The following CUX1 variants were observed in gnomAD, a reference collection of about 807,000 sequenced individuals.
CUX1 encodes the protein cut like homeobox 1, also known as protein CASP.
A neutral mutation model predicts 158.8 loss-of-function variants in CUX1; 31 were observed. The ratio of observed to expected loss-of-function variants is 0.20; its 90% CI spans 0.15 to 0.26. The LOEUF is 0.26. Among genes scored for constraint, CUX1 ranks in the 10% least tolerant of loss-of-function variants. The pLI is 1.00. For synonymous variants in CUX1, 879 were observed against 862.1 expected, an observed-to-expected ratio of 1.02 and a Z score of -0.34; for missense variants, 1,589 against 2,014.6, an observed-to-expected ratio of 0.79 and a Z score of 4.04.
chr7:101,920,412 G>A (rs1183847417), intron 2 of CUX1, among the ~76,000 whole-genome samples: 6 of 151,962 alleles, frequency 3.9e-5, no homozygotes, highest in African/African-American at 7.3e-5. Flanking sequence ...GTAAGCCACC[G>A]CGCCTGGCCG....
chr7:101,862,331 G>C (rs1158339302), intron 1 of CUX1, among the ~76,000 whole-genome samples: 1 of 152,090 alleles, frequency 6.6e-6, no homozygotes, highest in African/African-American at 2.4e-5. Context: ...TTCCAGTCTG[G>C]TGGGTCCCTA....
At chr7:102,098,422 G>A (rs1829421860) in intron 5 of CUX1, among the ~76,000 whole-genome samples, 1 of 152,080 alleles carries the variant, frequency 6.6e-6, no homozygotes, top group Non-Finnish European at 1.5e-5. Context: ...GACCAGCCTC[G>A]GAAACGTAGC....
intron 7 of CUX1, 72 bp from the exon 8 acceptor site, chr7:102,115,135 T>C (rs1258141873): frequency 1.9e-5 from 25 of 1,309,714 alleles, no homozygotes; most frequent in African/African-American, 9.0e-5. Context: ...TCTTTTGAAA[T>C]GGGAATAGAT....
At chr7:102,213,163 A>T (rs557058819) in intron 20 of CUX1, among the ~76,000 whole-genome samples, 33 of 152,352 alleles carry the variant, frequency 2.2e-4, no homozygotes, top group African/African-American at 6.5e-4. Context: ...CTTTTAAAAC[A>T]GAATCTAGTC....
At chr7:101,975,187 G>C (rs539156484) in intron 2 of CUX1, among the ~76,000 whole-genome samples, 1 of 152,156 alleles carries the variant, frequency 6.6e-6, no homozygotes, top group South Asian at 2.1e-4. Flanking sequence ...AGAGATGGAG[G>C]TTGCAGTGAG....
rs189955569 is a variant in CUX1, at chr7:102,040,597, T to G, written c.189+12452T>G. On this transcript the variant is annotated intron_variant, in intron 3 of 23. Coordinates refer to ENST00000292535, the MANE Select transcript of CUX1 (RefSeq NM_181552.4). ...TAATCAAATAATTGGGGAAATAAAG[T>G]TGGGTGAACTACAGCAGTCTATGAA... Among the ~76,000 whole-genome samples the G allele has an allele frequency of 2.6e-5, 4 of 152,278 alleles. No homozygotes were observed. In the East Asian group the frequency reaches 7.7e-4, roughly 29 times the overall value.
At chr7:101,862,359 T>C (rs974065478) in intron 1 of CUX1, among the ~76,000 whole-genome samples, 5 of 151,998 alleles carry the variant, frequency 3.3e-5, no homozygotes, top group African/African-American at 1.2e-4. Flanking sequence ...ATACATTGTG[T>C]GTTGTCGTAG....
At chr7:102,168,189 A>G (rs782581704) in intron 9 of CUX1, among the ~76,000 whole-genome samples, 7 of 152,108 alleles carry the variant, frequency 4.6e-5, no homozygotes, top group Non-Finnish European at 1.0e-4. Context: ...GGCTGGTTCT[A>G]GATTCAGTGT....
rs60275604 is a variant in CUX1, at chr7:102,282,064, G to A, written c.1902+144G>A. The A allele has an allele frequency of 1.2e-3, 824 of 678,702 alleles. 4 individuals are homozygous for A. The African/African-American group carries it at 0.012, about 10-fold the overall frequency. The allele number at this position is 678,702 out of a possible 1,614,324, so 42.0% of individuals were successfully genotyped here. ...GCTTGCGGCCATGCCTCTCCCCTTC[G>A]AGAGCCTTGGCCCACCCCAGGGACG... On this transcript the variant is annotated intron_variant, in intron 21 of 22. Transcript: ENST00000292538.
chr7:102,034,174 C>CTTA (rs1055870189), intron 3 of CUX1, among the ~76,000 whole-genome samples: 3 of 90,666 alleles, frequency 3.3e-5, no homozygotes, highest in Non-Finnish European at 4.8e-5. Flanking sequence ...AAAAGTCAGT[C>CTTA]TTATTATTGA....
At chr7:102,194,052 T>A in intron 13 of CUX1, 162 bp downstream of exon 13, 1 of 317,948 alleles carries the variant, frequency 3.1e-6, no homozygotes, top group Non-Finnish European at 5.7e-6. Context: ...GCAAATTATC[T>A]TTTTTTTTTT....
intron 1 of CUX1, among the ~76,000 whole-genome samples, chr7:101,856,109 G>T (rs1211754219): frequency 1.3e-5 from 2 of 148,968 alleles, no homozygotes; most frequent in African/African-American, 5.0e-5. Flanking sequence ...GAGTCCAGCA[G>T]GAGGTCAAGG....
chr7:101,995,047 G>A lies in CUX1; in HGVS notation c.142-33051G>A, dbSNP rs191072165. ...GGGAAGTGAAGGTGCTGTGAGCTGC[G>A]ATCCTGCCATTGCATCCAGCCTGGG... On this transcript the variant is annotated intron_variant, in intron 2 of 23. Transcript: ENST00000292535. Among the ~76,000 whole-genome samples, 613 of 152,150 alleles carry A rather than the reference G, an allele frequency of 4.0e-3. 5 individuals carry two copies. The highest frequency in any genetic ancestry group is 6.3e-3 in the Non-Finnish European group (429 of 68,006).
intron 8 of CUX1, among the ~76,000 whole-genome samples, chr7:102,155,094 G>A (rs1333638207): frequency 3.9e-5 from 6 of 152,180 alleles, no homozygotes; most frequent in African/African-American, 7.2e-5. Flanking sequence ...GCATCTCTAT[G>A]TGCCCATTCC....
chr7:102,072,416 A>G (rs1826229295), intron 4 of CUX1, among the ~76,000 whole-genome samples: 1 of 152,212 alleles, frequency 6.6e-6, no homozygotes. Context: ...AACCAATCAG[A>G]GGCTAAATTG....
intron 2 of CUX1, among the ~76,000 whole-genome samples, chr7:101,934,265 G>C (rs896662706): frequency 1.3e-5 from 2 of 152,156 alleles, no homozygotes; most frequent in African/African-American, 2.4e-5. Flanking sequence ...GAGCCTAAAA[G>C]TCATGAGAAT....
rs1810092260 is a variant in CUX1 at position 101,958,842 on chromosome 7, C to CT, written c.141+42617_141+42618insT. ...CCTTTTCTGTCATAAGGAGATGATG[C>CT]CCTTTTTTTTTTTTTTTTTTTTTTT... On this transcript the variant is annotated intron_variant, in intron 2 of 23. Coordinates refer to ENST00000292535, the MANE Select transcript of CUX1 (RefSeq NM_181552.4). Among the ~76,000 whole-genome samples, 5 of 131,882 alleles carry CT rather than the reference C, an allele frequency of 3.8e-5. No homozygotes were observed. The Admixed American group carries it at 4.3e-4, about 11-fold the overall frequency. 86.5% of individuals were successfully genotyped at this position (131,882 alleles called of 152,430 possible). A position where few individuals can be genotyped will look rare whatever the true frequency, so the allele number is the denominator to read the frequency against.
At chr7:102,078,040 T>C (rs1329261709) in intron 4 of CUX1, among the ~76,000 whole-genome samples, 6 of 152,166 alleles carry the variant, frequency 3.9e-5, no homozygotes, top group Non-Finnish European at 7.3e-5. Context: ...CAAGTGTGAC[T>C]TCTCTGTTCC....
At chr7:102,195,390 A>T in intron 13 of CUX1, 117 bp from the exon 14 acceptor site, 1 of 751,136 alleles carries the variant, frequency 1.3e-6, no homozygotes, top group Non-Finnish European at 2.1e-6. Flanking sequence ...TCCTAATCAG[A>T]TCGAGAGCTG....
Sources: gnomAD v4.1 joint callset for allele counts (sites outside exome capture counted in the v4.1 genomes callset) on GRCh38, gnomAD v4.1.1 for gene constraint, MANE v1.5 for transcripts, NCBI Gene and HGNC (gene_info 2026-07-23, HGNC 2026-07-21) for gene names.